NSUN7: variants seen among roughly 807,000 people sequenced by gnomAD.
NSUN7 encodes NOP2/Sun RNA methyltransferase family member 7, also known as protein NSUN7.
In NSUN7, 39 loss-of-function variants were observed where a neutral mutation model predicts 58.5. That is an observed-to-expected ratio of 0.67 (90% CI 0.52 to 0.87). NSUN7 has a LOEUF of 0.87. Ranked by LOEUF, NSUN7 falls within the 40% of genes least tolerant of loss-of-function variation. The pLI, the probability that NSUN7 is intolerant of heterozygous loss-of-function variation, is 0.00. For missense variants in NSUN7, 765 were observed against 844.1 expected (o/e 0.91, Z 1.16); for synonymous variants, 278 against 303.7 (o/e 0.92, Z 0.88).
intron 8 of NSUN7, among the ~76,000 whole-genome samples, chr4:40,793,233 G>A (rs1743173274): frequency 6.6e-6 from 1 of 152,120 alleles, no homozygotes; most frequent in South Asian, 2.1e-4. Flanking sequence ...GTTGAGGCCA[G>A]GAGTTCGAGT....
intron 2 of NSUN7, 150 bp from the exon 3 acceptor site, chr4:40,760,284 C>A: frequency 1.5e-6 from 1 of 648,060 alleles, no homozygotes. Context: ...TTCATCATGT[C>A]ACTGTAATTT....
intron 7 of NSUN7, among the ~76,000 whole-genome samples, chr4:40,776,977 T>A (rs1306077299): frequency 6.6e-6 from 1 of 152,196 alleles, no homozygotes; most frequent in Non-Finnish European, 1.5e-5. Context: ...TCATTCTAAC[T>A]AAAGATTACA....
chr4:40,804,818 CT>C (rs1167737010), intron 10 of NSUN7, among the ~76,000 whole-genome samples: 1 of 152,124 alleles, frequency 6.6e-6, no homozygotes, highest in Non-Finnish European at 1.5e-5. Flanking sequence ...CCTGGTCTCT[CT>C]TGTTTCAGGA....
chr4:40,757,460 C>A (rs1741197335), intron 2 of NSUN7, among the ~76,000 whole-genome samples: 1 of 149,722 alleles, frequency 6.7e-6, no homozygotes, highest in South Asian at 2.1e-4. Context: ...AGGATATAAC[C>A]CCATGGTAAG....
Position 40,798,791 on chromosome 4 carries a change from T to C in NSUN7, c.1287T>C (p.Thr429=). 3 of 1,587,354 alleles carry C rather than the reference T, an allele frequency of 1.9e-6. No homozygotes were observed. The highest frequency in any genetic ancestry group is 1.7e-6 in the Non-Finnish European group (2 of 1,158,200). Residue 429 remains threonine (T), a synonymous_variant, in exon 10 of 12, where the codon ACT becomes ACC. Coordinates refer to ENST00000381782, the MANE Select transcript of NSUN7 (RefSeq NM_024677.6). ...TTGCATCTTCTTCTAATATAGTTAC[T>C]AAAGCTCAAGCAGTTGTTTACTGCA... ...YEQLTHAMKF[T]KAQAVVYCTC...
intron 7 of NSUN7, among the ~76,000 whole-genome samples, chr4:40,778,325 C>G (rs1014296966): frequency 1.3e-5 from 2 of 152,334 alleles, no homozygotes; most frequent in East Asian, 1.9e-4. Flanking sequence ...ATTCAAGAAG[C>G]CTTGTAAAAG....
At chr4:40,792,546 TC>T (rs1560560876) in intron 8 of NSUN7, among the ~76,000 whole-genome samples, 2 of 151,990 alleles carry the variant, frequency 1.3e-5, no homozygotes, top group African/African-American at 4.8e-5. Context: ...GGTCAGGAGC[TC>T]GAGACCATCC....
chr4:40,796,206 T>C (rs1346352779), intron 9 of NSUN7, among the ~76,000 whole-genome samples: 1 of 152,064 alleles, frequency 6.6e-6, no homozygotes, highest in Non-Finnish European at 1.5e-5. Context: ...ATACAAAAAT[T>C]AGCCGGGCGT....
At chr4:40,777,719 A>G (rs1742338650) in intron 7 of NSUN7, among the ~76,000 whole-genome samples, 1 of 152,236 alleles carries the variant, frequency 6.6e-6, no homozygotes, top group South Asian at 2.1e-4. Context: ...CTGCAGTAGA[A>G]GCAGACCCAC....
At position 40,808,444 on chromosome 4, in the gene NSUN7, A is replaced by AG. The variant is rs754011222; in HGVS notation, c.1664dup (p.Ala556CysfsTer4). 6.2e-7 allele frequency: 1 copy of AG among 1,605,596 alleles called. No individual in the cohort carries two copies. Among genetic ancestry groups the AG allele is most frequent in the South Asian group, 1.1e-5 (1 of 90,210 alleles). On this transcript the variant is annotated frameshift_variant, in exon 12 of 12. Coordinates refer to ENST00000381782, the MANE Select transcript of NSUN7 (RefSeq NM_024677.6). LOFTEE classifies it low-confidence loss of function (END_TRUNC). ...AAAAATCAAAAACATCATTGACAAAAGGTGCCACTACTGATAATGGCATCC... is the reference window on the plus strand; with the variant it reads ...AAAAATCAAAAACATCATTGACAAAAGGGTGCCACTACTGATAATGGCATCC...
intron 7 of NSUN7, among the ~76,000 whole-genome samples, chr4:40,782,151 T>C (rs1373277409): frequency 4.6e-5 from 7 of 152,224 alleles, no homozygotes; most frequent in African/African-American, 1.7e-4. Flanking sequence ...ATTGTATTTC[T>C]ATCTACCAAC....
At chr4:40,784,582 A>G (rs1345570432) in intron 7 of NSUN7, among the ~76,000 whole-genome samples, 1 of 152,238 alleles carries the variant, frequency 6.6e-6, no homozygotes, top group Non-Finnish European at 1.5e-5. Flanking sequence ...AAATCTATGG[A>G]GACAGAATAG....
intron 8 of NSUN7, among the ~76,000 whole-genome samples, chr4:40,793,991 C>A (rs1371897048): frequency 6.6e-6 from 1 of 152,132 alleles, no homozygotes; most frequent in Non-Finnish European, 1.5e-5. Context: ...GTTCCCAGAT[C>A]TGACTATAGC....
Position 40,808,295 on chromosome 4 carries a change from CTTT to C in NSUN7, c.1525-11_1525-9del. The C allele has an allele frequency of 6.3e-7, 1 of 1,586,382 alleles. No individual in the cohort carries two copies. The highest frequency in any genetic ancestry group is 8.6e-7 in the Non-Finnish European group (1 of 1,167,342). ...TAACTCCCACATTTAGTAAATGCTT[CTTT>C]AATTGCAGCGGGACCCTTCTGAGAC... On this transcript the variant is annotated splice_polypyrimidine_tract_variant and intron_variant, in intron 11 of 11. Transcript: ENST00000381782.
chr4:40,757,023 G>A (rs1741173350), intron 2 of NSUN7, among the ~76,000 whole-genome samples: 1 of 152,204 alleles, frequency 6.6e-6, no homozygotes, highest in African/African-American at 2.4e-5. Context: ...AAGGTCAGGA[G>A]TTTGAGACCA....
chr4:40,789,790 TAG>T (rs1742994297), intron 7 of NSUN7, among the ~76,000 whole-genome samples: 1 of 151,884 alleles, frequency 6.6e-6, no homozygotes, highest in African/African-American at 2.4e-5. Flanking sequence ...ACACAGAGAA[TAG>T]GAAGAGGGAA....
In NSUN7 at chr4:40,809,246, A is replaced by C. The variant is rs1183699825; in HGVS notation, c.*307A>C. 8.4e-6 allele frequency: 2 copies of C among 239,484 alleles called. No individual in the cohort carries two copies. Among genetic ancestry groups the C allele is most frequent in the Non-Finnish European group, 8.0e-6 (1 of 124,592 alleles). 14.8% of individuals were successfully genotyped at this position (239,484 alleles called of 1,614,324 possible). Reference sequence around the variant, plus strand: ...TTTCAGGCTGGACTTAAAGCTGCCAAGTTTCCCCTGCAGGGAAGGAAACAC... The same window carrying C: ...TTTCAGGCTGGACTTAAAGCTGCCACGTTTCCCCTGCAGGGAAGGAAACAC... On this transcript the variant is annotated 3_prime_UTR_variant, in exon 12 of 12. Coordinates refer to ENST00000381782, the MANE Select transcript of NSUN7 (RefSeq NM_024677.6).
chr4:40,771,152 G>A (rs1741991102), intron 4 of NSUN7, among the ~76,000 whole-genome samples: 1 of 152,148 alleles, frequency 6.6e-6, no homozygotes, highest in Non-Finnish European at 1.5e-5. Context: ...ATCATTTATG[G>A]AAGAATTGAA....
intron 8 of NSUN7, among the ~76,000 whole-genome samples, chr4:40,791,458 G>A (rs575268646): frequency 2.6e-5 from 4 of 152,108 alleles, no homozygotes; most frequent in Middle Eastern, 3.2e-3. Flanking sequence ...TACAAATGAG[G>A]AATCTGAGGC....
Sources: allele counts gnomAD v4.1 joint callset (sites outside exome capture counted in the v4.1 genomes callset), GRCh38; gene constraint gnomAD v4.1.1; transcripts MANE v1.5; gene names NCBI Gene and HGNC (gene_info 2026-07-23, HGNC 2026-07-21).